Variants in GLIS1 observed in about 807,000 individuals in gnomAD.
The protein encoded by GLIS1 is GLIS family zinc finger 1, also known as zinc finger protein GLIS1.
GLIS1 carries 24 observed loss-of-function variants against 63.8 expected under a neutral mutation model. The observed-to-expected ratio is 0.38, with a 90% CI of 0.27 to 0.53. The LOEUF is 0.53. Among genes scored for constraint, GLIS1 ranks in the 20% least tolerant of loss-of-function variants. The pLI is 0.85. For missense variants in GLIS1, 1,036 were observed against 1,074.1 expected, an observed-to-expected ratio of 0.96 and a Z score of 0.50; for synonymous variants, 450 against 482.5, an observed-to-expected ratio of 0.93 and a Z score of 0.88.
At chr1:53,592,507 G>C (rs1293540939) in intron 4 of GLIS1, among the ~76,000 whole-genome samples, 1 of 152,134 alleles carries the variant, frequency 6.6e-6, no homozygotes, top group South Asian at 2.1e-4. Flanking sequence ...CCAGGGTCTC[G>C]GGGAGATATG....
At chr1:53,636,992 G>A (rs1344220638) in intron 2 of GLIS1, among the ~76,000 whole-genome samples, 2 of 152,212 alleles carry the variant, frequency 1.3e-5, no homozygotes, top group African/African-American at 2.4e-5. Flanking sequence ...AGGTCGCAGT[G>A]AGCGCTTGCT....
At chr1:53,535,630 C>T (rs1644574141) in intron 4 of GLIS1, among the ~76,000 whole-genome samples, 1 of 151,998 alleles carries the variant, frequency 6.6e-6, no homozygotes, top group Admixed American at 6.5e-5. Flanking sequence ...CAGGAAATGC[C>T]ACCTTGTAAT....
intron 2 of GLIS1, among the ~76,000 whole-genome samples, chr1:53,627,750 C>A (rs1195265209): frequency 6.6e-6 from 1 of 152,154 alleles, no homozygotes; most frequent in East Asian, 1.9e-4. Flanking sequence ...AGCTGAGTAT[C>A]AACCAGAGAG....
At chr1:53,551,965 C>A (rs369565202) in intron 4 of GLIS1, among the ~76,000 whole-genome samples, 1 of 152,028 alleles carries the variant, frequency 6.6e-6, no homozygotes, top group South Asian at 2.1e-4. Context: ...ACTCTTGCAC[C>A]CAACCAGAAA....
chr1:53,665,101 C>G (rs1646077056), intron 2 of GLIS1, among the ~76,000 whole-genome samples: 1 of 152,138 alleles, frequency 6.6e-6, no homozygotes, highest in South Asian at 2.1e-4. Flanking sequence ...GGAGGCCAGA[C>G]AGGAGGCAGC....
intron 4 of GLIS1, among the ~76,000 whole-genome samples, chr1:53,543,549 A>T (rs1259353137): frequency 6.6e-6 from 1 of 152,162 alleles, no homozygotes; most frequent in Non-Finnish European, 1.5e-5. Flanking sequence ...GCATTAAGTC[A>T]AAAGCAGAGT....
chr1:53,561,211 C>T (rs143184724), intron 4 of GLIS1, among the ~76,000 whole-genome samples: 6 of 152,224 alleles, frequency 3.9e-5, no homozygotes, highest in East Asian at 3.9e-4. Flanking sequence ...TAAGGTTACA[C>T]GGTAAGTGGG....
chr1:53,685,395 T>G (rs1646325240), intron 2 of GLIS1, among the ~76,000 whole-genome samples: 1 of 152,166 alleles, frequency 6.6e-6, no homozygotes, highest in Admixed American at 6.5e-5. Context: ...TCTGTTATTA[T>G]CCCCCGTCAG....
intron 4 of GLIS1, among the ~76,000 whole-genome samples, chr1:53,551,883 C>T (rs1315308029): frequency 6.6e-6 from 1 of 152,044 alleles, no homozygotes; most frequent in Non-Finnish European, 1.5e-5. Flanking sequence ...TCTGTCTCTG[C>T]CATATACTCC....
chr1:53,721,473 G>A (rs562242547), intron 2 of GLIS1, among the ~76,000 whole-genome samples: 1 of 151,328 alleles, frequency 6.6e-6, no homozygotes, highest in African/African-American at 2.4e-5. Flanking sequence ...TTTTGTAACT[G>A]AGGTGTACAG....
rs953307311 is a variant in GLIS1 at position 53,621,819 on chromosome 1, A to ATT, written c.260-21543_260-21542dup. On this transcript the variant is annotated intron_variant, in intron 2 of 10. Coordinates refer to ENST00000628545, the MANE Select transcript of GLIS1 (RefSeq NM_001367484.1). ...AGACATCAATGTTTCATACAGAAAA[A>ATT]TTTTTTTTTTTTGAGACGGAGTCTC... Among the ~76,000 whole-genome samples the ATT allele has an allele frequency of 6.0e-5, 9 of 149,214 alleles. 1 individual carries two copies. The South Asian group carries it at 1.5e-3, about 25-fold the overall frequency.
intron 2 of GLIS1, among the ~76,000 whole-genome samples, chr1:53,707,493 T>TA: frequency 6.6e-6 from 1 of 151,882 alleles, no homozygotes; most frequent in South Asian, 2.1e-4. Context: ...CTACTAAAAA[T>TA]AAAAAAATTA....
chr1:53,643,694 G>A (rs573377925), intron 2 of GLIS1, among the ~76,000 whole-genome samples: 2 of 152,166 alleles, frequency 1.3e-5, no homozygotes, highest in East Asian at 1.9e-4. Flanking sequence ...ATGAGCGAAC[G>A]GCGGGAGGGT....
intron 2 of GLIS1, among the ~76,000 whole-genome samples, chr1:53,695,664 G>A (rs1404536072): frequency 6.6e-6 from 1 of 152,200 alleles, no homozygotes; most frequent in African/African-American, 2.4e-5. Context: ...AGGGGCGCGG[G>A]GTGGTAGACA....
At chr1:53,512,864 G>A (rs1048732124) in intron 8 of GLIS1, among the ~76,000 whole-genome samples, 1 of 152,048 alleles carries the variant, frequency 6.6e-6, no homozygotes, top group Non-Finnish European at 1.5e-5. Flanking sequence ...TCGGCTGGTT[G>A]GTGGGTGAGC....
intron 2 of GLIS1, among the ~76,000 whole-genome samples, chr1:53,715,772 G>A (rs1338649010): frequency 6.6e-6 from 1 of 152,140 alleles, no homozygotes; most frequent in East Asian, 1.9e-4. Flanking sequence ...CAGACAGGGT[G>A]ACCAAATCTG....
At chr1:53,623,307 T>C (rs1000687423) in intron 2 of GLIS1, among the ~76,000 whole-genome samples, 2 of 152,152 alleles carry the variant, frequency 1.3e-5, no homozygotes, top group African/African-American at 4.8e-5. Context: ...AGAAGAGCCA[T>C]ATGATCAGCT....
Position 53,594,049 on chromosome 1 carries a change from G to A in GLIS1, c.1320+59C>T, listed in dbSNP as rs1645220574. 1.9e-6 allele frequency: 3 copies of A among 1,540,064 alleles called. No individual in the cohort carries two copies. The Admixed American group carries it at 5.6e-5, about 29-fold the overall frequency. On this transcript the variant is annotated intron_variant, in intron 4 of 10. Transcript: ENST00000628545. ...CAGGCGGCCTCTCCTGGGGCACTGG[G>A]GTGAGTGCTGCTCTGCCAGAGGGGC...
intron 2 of GLIS1, among the ~76,000 whole-genome samples, chr1:53,664,308 G>A (rs953051418): frequency 5.9e-5 from 9 of 152,242 alleles, no homozygotes; most frequent in East Asian, 5.8e-4. Context: ...AAGCCCTACC[G>A]GATGCTTCCT....
Sources: gnomAD v4.1 joint callset for allele counts (sites outside exome capture counted in the v4.1 genomes callset) on GRCh38, gnomAD v4.1.1 for gene constraint, MANE v1.5 for transcripts, NCBI Gene and HGNC (gene_info 2026-07-23, HGNC 2026-07-21) for gene names.